ITCH: variants seen among roughly 807,000 people sequenced by gnomAD.
The protein encoded by ITCH is itchy E3 ubiquitin protein ligase, also known as E3 ubiquitin-protein ligase Itchy homolog.
A neutral mutation model predicts 126.8 loss-of-function variants in ITCH; 28 were observed. The observed-to-expected ratio is 0.22, with a 90% CI of 0.16 to 0.30. The LOEUF (loss-of-function observed/expected upper bound fraction) is 0.30, where lower values mean the gene tolerates loss of function less well. Ranked by LOEUF, ITCH falls within the 10% of genes least tolerant of loss-of-function variation. ITCH has a pLI of 1.00. For missense variants in ITCH, 631 were observed against 1,032.4 expected (o/e 0.61, Z 5.33); for synonymous variants, 342 against 340.0 (o/e 1.01, Z -0.06).
intron 2 of ITCH, among the ~76,000 whole-genome samples, chr20:34,379,973 T>A (rs143737954): frequency 7.5e-4 from 106 of 142,174 alleles, no homozygotes; most frequent in East Asian, 5.0e-3. Context: ...GTTGGCTCAC[T>A]GCAACCTCCG....
intron 14 of ITCH, among the ~76,000 whole-genome samples, chr20:34,464,587 G>T (rs930991135): frequency 1.3e-5 from 2 of 151,960 alleles, no homozygotes; most frequent in African/African-American, 4.8e-5. Flanking sequence ...TCAGCCTCCT[G>T]AAGTGTTGGG....
At chr20:34,479,607 C>A in intron 17 of ITCH, 23 bp from the exon 18 acceptor site, 1 of 1,608,530 alleles carries the variant, frequency 6.2e-7, no homozygotes, top group Non-Finnish European at 8.5e-7. Context: ...GATTTTTCAT[C>A]GTAAATTTTC....
chr20:34,374,673 T>G (rs2037765869), intron 2 of ITCH, among the ~76,000 whole-genome samples: 1 of 151,948 alleles, frequency 6.6e-6, no homozygotes, highest in Non-Finnish European at 1.5e-5. Context: ...GGACTTTAAG[T>G]GAACTAGGGA....
At chr20:34,401,977 G>T (rs77864814) in intron 3 of ITCH, among the ~76,000 whole-genome samples, 2 of 152,150 alleles carry the variant, frequency 1.3e-5, no homozygotes, top group Non-Finnish European at 2.9e-5. Flanking sequence ...GATACGGGGG[G>T]GCGGCGCATA....
chr20:34,375,061 G>A (rs1417407831), intron 2 of ITCH, among the ~76,000 whole-genome samples: 1 of 145,388 alleles, frequency 6.9e-6, no homozygotes, highest in African/African-American at 2.5e-5. Context: ...TTTTTTTTGA[G>A]ACAGAATCTC....
At chr20:34,448,901 T>A (rs1984801682) in intron 11 of ITCH, among the ~76,000 whole-genome samples, 1 of 152,208 alleles carries the variant, frequency 6.6e-6, no homozygotes, top group Non-Finnish European at 1.5e-5. Context: ...TCATTAACAC[T>A]TTCCAGCTGG....
intron 23 of ITCH, among the ~76,000 whole-genome samples, chr20:34,495,582 A>G (rs950632520): frequency 2.0e-5 from 3 of 152,086 alleles, no homozygotes; most frequent in East Asian, 3.9e-4. Context: ...AACGTCCTCC[A>G]TGTTCATCTA....
Position 34,453,483 on chromosome 20 carries a change from G to C in ITCH, c.1211-3907G>C, listed in dbSNP as rs566296550. On this transcript the variant is annotated intron_variant, in intron 12 of 24. Transcript: ENST00000374864. ...TGGGTGTGGCATGCCTGTAGTTCCA[G>C]CTACTTGGGTGGCTGAAGTGGGAGG... 5.3e-4 allele frequency among the ~76,000 whole-genome samples: 80 copies of C among 152,144 alleles called. No homozygotes were observed. In the South Asian group the frequency reaches 5.6e-3, roughly 11 times the overall value.
intron 7 of ITCH, among the ~76,000 whole-genome samples, chr20:34,426,206 G>C (rs138421283): frequency 1.1e-4 from 17 of 152,344 alleles, no homozygotes; most frequent in African/African-American, 4.1e-4. Context: ...GTAGGAAGAA[G>C]ATGATGAACC....
intron 20 of ITCH, 37 bp downstream of exon 20, chr20:34,481,243 G>T (rs767651736): frequency 6.2e-7 from 1 of 1,600,112 alleles, no homozygotes; most frequent in South Asian, 1.1e-5. Context: ...CTTTTTGTTT[G>T]ACTACAGCAC....
intron 23 of ITCH, 88 bp downstream of exon 23, chr20:34,492,685 A>G (rs1451215445): frequency 1.2e-6 from 1 of 857,580 alleles, no homozygotes; most frequent in African/African-American, 1.7e-5. Context: ...TAGAAACAAC[A>G]AAGACAGGGA....
At position 34,487,049 on chromosome 20, in the gene ITCH, T is replaced by TC. The variant is rs539103018; in HGVS notation, c.2094-2216dup. ...TTTTTTTTGAGACGTAGTCTCTCTG[T>TC]CACCCAGGCTGGAGTGCAGTGGTGC... On this transcript the variant is annotated intron_variant, in intron 20 of 24. Transcript: ENST00000374864. 2.5e-4 allele frequency among the ~76,000 whole-genome samples: 37 copies of TC among 150,480 alleles called. No individual in the cohort carries two copies. The East Asian group carries it at 6.9e-3, about 28-fold the overall frequency.
rs947835987 is a variant in ITCH, at chr20:34,371,760, G to A, written c.-22+2290G>A. The stretch of plus-strand genomic sequence containing the variant: ...TCACAAAGCAGTTCTTTGTGGAAAG[G>A]TATTTGAGCCAACATTCAGGAAACC... On this transcript the variant is annotated intron_variant, in intron 2 of 24. Transcript: ENST00000374864. Among the ~76,000 whole-genome samples, 11 of 152,234 alleles carry A rather than the reference G, an allele frequency of 7.2e-5. No individual in the cohort carries two copies. In the East Asian group the frequency reaches 1.7e-3, roughly 24 times the overall value.
rs943609700 is a variant in ITCH at position 34,391,572 on chromosome 20, G to A, written c.-21-2219G>A. Among the ~76,000 whole-genome samples the A allele has an allele frequency of 2.6e-4, 40 of 152,150 alleles. 1 individual carries two copies. The highest frequency in any genetic ancestry group is 1.0e-3 in the South Asian group (5 of 4,822). ...GATTTAATATATGAATATGCCAATTGATAATATACATTATTTCTAATTTTT... is the reference window on the plus strand; with the variant it reads ...GATTTAATATATGAATATGCCAATTAATAATATACATTATTTCTAATTTTT... On this transcript the variant is annotated intron_variant, in intron 2 of 24. Transcript: ENST00000374864.
chr20:34,386,528 A>C (rs567663688), intron 2 of ITCH, among the ~76,000 whole-genome samples: 12 of 152,316 alleles, frequency 7.9e-5, no homozygotes, highest in African/African-American at 2.9e-4. Context: ...GAATACCACT[A>C]TATACTTTAG....
chr20:34,450,856 C>T (rs936718662), intron 12 of ITCH: 1 of 152,122 alleles, frequency 6.6e-6, no homozygotes, highest in African/African-American at 2.4e-5. Context: ...GGGGTATAAG[C>T]TTTTCTTTGA....
chr20:34,389,071 G>A (rs1398185514), intron 2 of ITCH, among the ~76,000 whole-genome samples: 1 of 152,152 alleles, frequency 6.6e-6, no homozygotes, highest in East Asian at 1.9e-4. Flanking sequence ...TCTGAAGTAC[G>A]CCCTGTGGAA....
chr20:34,446,132 T>G (rs1397751292), intron 11 of ITCH, among the ~76,000 whole-genome samples: 4 of 152,188 alleles, frequency 2.6e-5, no homozygotes. Context: ...ATCTCTCAAG[T>G]CATACAGTAT....
At chr20:34,380,605 C>CTTTTTTTTTTTT (rs35848431) in intron 2 of ITCH, among the ~76,000 whole-genome samples, 1 of 69,246 alleles carries the variant, frequency 1.4e-5, no homozygotes, top group Non-Finnish European at 2.6e-5. Flanking sequence ...TTAATGATGT[C>CTTTTTTTTTTTT]TTTTTTTTTT....
Sources: gnomAD v4.1 joint callset for allele counts (sites outside exome capture counted in the v4.1 genomes callset) on GRCh38, gnomAD v4.1.1 for gene constraint, MANE v1.5 for transcripts, NCBI Gene and HGNC (gene_info 2026-07-23, HGNC 2026-07-21) for gene names.